Variants in CTNND2 observed in about 807,000 individuals in gnomAD.
The protein encoded by CTNND2 is catenin delta 2.
Under a neutral mutation model 144.4 loss-of-function variants are expected in CTNND2, and 22 were observed. That is an observed-to-expected ratio of 0.15 (90% CI 0.11 to 0.22). The LOEUF (loss-of-function observed/expected upper bound fraction) is 0.22. Among genes scored for constraint, CTNND2 ranks in the 10% least tolerant of loss-of-function variants. CTNND2 has a pLI of 1.00. For missense variants in CTNND2, 1,353 were observed against 1,618.8 expected (o/e 0.84, Z 2.82); for synonymous variants, 751 against 695.6 (o/e 1.08, Z -1.25).
intron 9 of CTNND2, among the ~76,000 whole-genome samples, chr5:11,316,454 C>T (rs891740664): frequency 1.4e-5 from 2 of 142,542 alleles, no homozygotes; most frequent in Admixed American, 1.5e-4. Context: ...GGTAGGTACT[C>T]TTATCCACTA....
rs748026950 is a variant in CTNND2, at chr5:11,545,890, G to T, written c.287+19054C>A. 7.3e-4 allele frequency among the ~76,000 whole-genome samples: 111 copies of T among 152,222 alleles called. 1 individual carries two copies. In the Middle Eastern group the frequency reaches 0.017, roughly 23 times the overall value. On this transcript the variant is annotated intron_variant, in intron 3 of 21. Transcript: ENST00000304623. ...CAACTAGTGGATTTATGTCATTAAA[G>T]TATAATTTATCCATACATACTTCTC...
At chr5:10,979,348 C>T (rs1736926578) in intron 21 of CTNND2, among the ~76,000 whole-genome samples, 1 of 152,192 alleles carries the variant, frequency 6.6e-6, no homozygotes, top group Admixed American at 6.5e-5. Flanking sequence ...CAGCTCATGA[C>T]CCTATTTATT....
intron 9 of CTNND2, among the ~76,000 whole-genome samples, chr5:11,296,838 TG>T (rs1024150547): frequency 1.3e-5 from 2 of 151,528 alleles, no homozygotes; most frequent in African/African-American, 4.8e-5. Flanking sequence ...TGTTGTGGCA[TG>T]GGGGGAGTGG....
intron 16 of CTNND2, among the ~76,000 whole-genome samples, chr5:11,072,554 T>C (rs1351567042): frequency 1.3e-5 from 2 of 152,258 alleles, no homozygotes; most frequent in African/African-American, 4.8e-5. Context: ...AGAGAAACAA[T>C]GTCCGAATTT....
At chr5:11,253,926 C>G (rs1743933348) in intron 9 of CTNND2, among the ~76,000 whole-genome samples, 1 of 152,184 alleles carries the variant, frequency 6.6e-6, no homozygotes, top group Non-Finnish European at 1.5e-5. Context: ...TTTCTGTACA[C>G]TCAGTATATT....
intron 2 of CTNND2, among the ~76,000 whole-genome samples, chr5:11,612,070 C>CT (rs10641879): frequency 6.6e-6 from 1 of 151,584 alleles, no homozygotes. Context: ...ACCAAGCCTA[C>CT]GTAATGGAAA....
intron 1 of CTNND2, among the ~76,000 whole-genome samples, chr5:11,861,007 G>A (rs1283656746): frequency 6.6e-6 from 1 of 152,092 alleles, no homozygotes; most frequent in Non-Finnish European, 1.5e-5. Context: ...GTTCTAAAAG[G>A]TACTGGAATG....
chr5:11,677,499 T>C (rs1211131242), intron 2 of CTNND2, among the ~76,000 whole-genome samples: 1 of 152,230 alleles, frequency 6.6e-6, no homozygotes, highest in Non-Finnish European at 1.5e-5. Flanking sequence ...AGTAAGGTGA[T>C]ACCAGATAGA....
At chr5:11,523,170 C>T (rs1203748714) in intron 3 of CTNND2, among the ~76,000 whole-genome samples, 4 of 152,096 alleles carry the variant, frequency 2.6e-5, no homozygotes, top group African/African-American at 9.7e-5. Flanking sequence ...ATGGAGGAAA[C>T]GATCAGTCTT....
intron 15 of CTNND2, among the ~76,000 whole-genome samples, chr5:11,091,361 T>G (rs780502315): frequency 6.6e-6 from 1 of 152,234 alleles, no homozygotes; most frequent in African/African-American, 2.4e-5. Context: ...ACATTTTCCA[T>G]GTGTAACTTT....
chr5:11,261,692 C>G (rs570505556), intron 9 of CTNND2, among the ~76,000 whole-genome samples: 1 of 152,350 alleles, frequency 6.6e-6, no homozygotes, highest in East Asian at 1.9e-4. Flanking sequence ...TCCACCACTG[C>G]AAACCTTGGT....
chr5:11,593,024 GA>G (rs1484163982), intron 2 of CTNND2, among the ~76,000 whole-genome samples: 1 of 151,244 alleles, frequency 6.6e-6, no homozygotes, highest in Non-Finnish European at 1.5e-5. Flanking sequence ...TTCACCTGTT[GA>G]AAAAAAATGC....
chr5:11,153,664 G>C (rs1757954485), intron 12 of CTNND2, among the ~76,000 whole-genome samples: 1 of 152,164 alleles, frequency 6.6e-6, no homozygotes, highest in Admixed American at 6.5e-5. Flanking sequence ...CGTAAGCAAA[G>C]GCACAGTGCA....
At chr5:11,447,027 G>A (rs1434272144) in intron 3 of CTNND2, among the ~76,000 whole-genome samples, 1 of 151,882 alleles carries the variant, frequency 6.6e-6, no homozygotes, top group Non-Finnish European at 1.5e-5. Flanking sequence ...ACATATCTCT[G>A]GAGGGTTCTT....
chr5:11,748,076 G>A (rs1788410682), intron 1 of CTNND2, among the ~76,000 whole-genome samples: 1 of 152,096 alleles, frequency 6.6e-6, no homozygotes, highest in African/African-American at 2.4e-5. Context: ...AACAGAGACT[G>A]TATCAATCAG....
chr5:11,365,034 T>C, intron 7 of CTNND2, 144 bp from the exon 8 acceptor site: 2 of 670,042 alleles, frequency 3.0e-6, no homozygotes, highest in Admixed American at 3.1e-5. Flanking sequence ...GGCAGCAATA[T>C]GTCAACCTAA....
chr5:11,732,300 C>T (rs1429097447), intron 1 of CTNND2, 28 bp from the exon 2 acceptor site: 2 of 1,603,734 alleles, frequency 1.2e-6, no homozygotes, highest in East Asian at 2.2e-5. Flanking sequence ...ATGATCAATA[C>T]AATCAGATGT....
intron 2 of CTNND2, among the ~76,000 whole-genome samples, chr5:11,588,036 A>C (rs1778988189): frequency 6.6e-6 from 1 of 152,118 alleles, no homozygotes; most frequent in African/African-American, 2.4e-5. Flanking sequence ...CACTTGGTAA[A>C]GGTTTTCTAT....
At chr5:11,731,887 C>T (rs1381499957) in intron 2 of CTNND2, among the ~76,000 whole-genome samples, 1 of 152,082 alleles carries the variant, frequency 6.6e-6, no homozygotes, top group African/African-American at 2.4e-5. Context: ...CAAAACTTCA[C>T]CCATAGGAAA....
Sources: gnomAD v4.1 joint callset for allele counts (sites outside exome capture counted in the v4.1 genomes callset) on GRCh38, gnomAD v4.1.1 for gene constraint, MANE v1.5 for transcripts, NCBI Gene and HGNC (gene_info 2026-07-23, HGNC 2026-07-21) for gene names.